The following GLYATL2 variants were observed in gnomAD, a reference collection of about 807,000 sequenced individuals.
The protein encoded by GLYATL2 is glycine-N-acyltransferase like 2, also known as glycine N-acyltransferase-like protein 2.
In GLYATL2, 25 loss-of-function variants were observed where a neutral mutation model predicts 21.4. That is an observed-to-expected ratio of 1.17 (90% confidence interval 0.85 to 1.63). GLYATL2 has a LOEUF of 1.63. Ranked by LOEUF, GLYATL2 falls within the 40% of genes most tolerant of loss-of-function variation. The pLI is 0.00. For synonymous variants in GLYATL2, 114 were observed against 118.2 expected, an observed-to-expected ratio of 0.96 and a Z score of 0.23; for missense variants, 361 against 343.3, an observed-to-expected ratio of 1.05 and a Z score of -0.41.
At chr11:58,901,091 G>A (rs965558250) in intron 1 of GLYATL2, among the ~76,000 whole-genome samples, 39 of 152,316 alleles carry the variant, frequency 2.6e-4, no homozygotes, top group Non-Finnish European at 4.7e-4. Context: ...GTGTACTCAG[G>A]ACGGTGCTAA....
At position 58,871,291 on chromosome 11, in the gene GLYATL2, A is replaced by AT. The variant is rs564900748; in HGVS notation, n.60+32864dup. ...TTTTATTTTATTTATTTATTTATTT[A>AT]TTATTATTATACTTTAAGTTTTAGG... is the stretch of plus-strand genomic sequence containing the variant. On this transcript the variant is annotated intron_variant and non_coding_transcript_variant, in intron 1 of 4. Coordinates refer to the GLYATL2 transcript ENST00000533636. Among the ~76,000 whole-genome samples, 863 of 151,578 alleles carry AT rather than the reference A, an allele frequency of 5.7e-3. 9 individuals are homozygous for AT. The highest frequency in any genetic ancestry group is 0.02 in the African/African-American group (820 of 41,320).
At chr11:58,843,612 A>G (rs1771912050) in intron 1 of GLYATL2, among the ~76,000 whole-genome samples, 1 of 152,176 alleles carries the variant, frequency 6.6e-6, no homozygotes, top group South Asian at 2.1e-4. Flanking sequence ...CATCCAGGAG[A>G]GAGAAGAGAA....
Position 58,886,789 on chromosome 11 carries a change from A to G in GLYATL2, n.60+17367T>C, listed in dbSNP as rs111799943. Among the ~76,000 whole-genome samples the G allele has an allele frequency of 2.3e-3, 353 of 152,244 alleles. 3 individuals are homozygous for G. Among genetic ancestry groups the G allele is most frequent in the African/African-American group, 7.1e-3 (297 of 41,544 alleles). On this transcript the variant is annotated intron_variant and non_coding_transcript_variant, in intron 1 of 4. Coordinates refer to the GLYATL2 transcript ENST00000533636. ...GAAGCCTCATGGCCAGCCCAGCTTCATGTGGGTATAGACACTGAGCCTCCA... is the reference window on the plus strand; with the variant it reads ...GAAGCCTCATGGCCAGCCCAGCTTCGTGTGGGTATAGACACTGAGCCTCCA...
chr11:58,865,783 G>C (rs1247833689), intron 1 of GLYATL2, among the ~76,000 whole-genome samples: 2 of 148,972 alleles, frequency 1.3e-5, no homozygotes, highest in Non-Finnish European at 3.0e-5. Context: ...TTTAGAGAAC[G>C]CATTAGCAGG....
chr11:58,834,918 C>G, intron 5 of GLYATL2, 81 bp from the exon 6 acceptor site: 1 of 1,083,622 alleles, frequency 9.2e-7, no homozygotes, highest in Non-Finnish European at 1.3e-6. Flanking sequence ...TAACACCATT[C>G]CTTTCCTTAA....
intron 1 of GLYATL2, among the ~76,000 whole-genome samples, chr11:58,842,598 A>G (rs1853574251): frequency 1.3e-5 from 2 of 151,532 alleles, no homozygotes; most frequent in Admixed American, 1.3e-4. Flanking sequence ...GGCTTCAGTC[A>G]CTTGCTCCCC....
intron 1 of GLYATL2, chr11:58,878,395 C>T (rs1249123046): frequency 8.2e-6 from 5 of 606,680 alleles, no homozygotes; most frequent in Non-Finnish European, 1.2e-5. Flanking sequence ...AGCTCCCTCT[C>T]GCATTTTGGA....
intron 1 of GLYATL2, among the ~76,000 whole-genome samples, chr11:58,902,532 G>A (rs892163866): frequency 2.6e-5 from 4 of 152,180 alleles, no homozygotes; most frequent in African/African-American, 9.7e-5. Context: ...TCAGCCTACT[G>A]TTAGAGTTTA....
chr11:58,856,663 G>A (rs1295692192), intron 1 of GLYATL2, among the ~76,000 whole-genome samples: 1 of 152,172 alleles, frequency 6.6e-6, no homozygotes, highest in Non-Finnish European at 1.5e-5. Flanking sequence ...GAGAGGGAGA[G>A]AGTCTGGGAA....
At chr11:58,901,545 C>G (rs544350233) in intron 1 of GLYATL2, among the ~76,000 whole-genome samples, 9 of 152,244 alleles carry the variant, frequency 5.9e-5, no homozygotes, top group African/African-American at 1.9e-4. Context: ...ACTGGCAGAT[C>G]TCTTTAATTT....
chr11:58,896,904 T>C (rs941417394), intron 1 of GLYATL2, among the ~76,000 whole-genome samples: 25 of 152,210 alleles, frequency 1.6e-4, no homozygotes, highest in African/African-American at 6.0e-4. Context: ...CCACCTAGAA[T>C]TCTCTTTACT....
At chr11:58,885,504 C>G in intron 1 of GLYATL2, 1 of 502,912 alleles carries the variant, frequency 2.0e-6, no homozygotes, top group Non-Finnish European at 4.0e-6. Context: ...GACTCCTGGC[C>G]CGAGTATCAG....
chr11:58,847,273 G>T (rs976083404), upstream of GLYATL2, among the ~76,000 whole-genome samples: 1 of 152,226 alleles, frequency 6.6e-6, no homozygotes, highest in Admixed American at 6.5e-5. Flanking sequence ...ATTTCCAGCT[G>T]TGGCAGCTCT....
At chr11:58,877,269 A>C (rs1854252928) in intron 1 of GLYATL2, among the ~76,000 whole-genome samples, 1 of 152,156 alleles carries the variant, frequency 6.6e-6, no homozygotes, top group African/African-American at 2.4e-5. Context: ...GCTTTGGCTC[A>C]TGTATGGTGT....
At chr11:58,853,877 T>C (rs1423527046) in intron 1 of GLYATL2, among the ~76,000 whole-genome samples, 1 of 152,148 alleles carries the variant, frequency 6.6e-6, no homozygotes, top group Non-Finnish European at 1.5e-5. Context: ...TTAAGTATAG[T>C]CACCATGCTG....
At chr11:58,875,809 T>C (rs1213877328) in intron 1 of GLYATL2, among the ~76,000 whole-genome samples, 1 of 152,222 alleles carries the variant, frequency 6.6e-6, no homozygotes, top group East Asian at 1.9e-4. Flanking sequence ...TGGCATTCTC[T>C]GTATTTCCTG....
At chr11:58,842,145 C>CA (rs1344458457) in intron 1 of GLYATL2, among the ~76,000 whole-genome samples, 1 of 152,058 alleles carries the variant, frequency 6.6e-6, no homozygotes, top group Non-Finnish European at 1.5e-5. Flanking sequence ...TACAAAATGC[C>CA]AACCCTATTT....
intron 1 of GLYATL2, chr11:58,892,069 A>C (rs1162189997): frequency 1.3e-5 from 2 of 152,232 alleles, no homozygotes; most frequent in Non-Finnish European, 2.9e-5. Flanking sequence ...TTATAGGCCT[A>C]GGTTTTATTA....
intron 1 of GLYATL2, chr11:58,885,539 C>T: frequency 2.2e-6 from 1 of 454,538 alleles, no homozygotes; most frequent in South Asian, 1.7e-5. Flanking sequence ...ACCACCAAAA[C>T]AGGTAGGCAC....
Sources: gnomAD v4.1 joint callset for allele counts (sites outside exome capture counted in the v4.1 genomes callset) on GRCh38, gnomAD v4.1.1 for gene constraint, MANE v1.5 for transcripts, NCBI Gene and HGNC (gene_info 2026-07-23, HGNC 2026-07-21) for gene names.